The following CXCL13 variants were observed in gnomAD, a reference collection of about 807,000 sequenced individuals.
CXCL13 encodes the protein C-X-C motif chemokine 13.
Under a neutral mutation model 12.2 loss-of-function variants are expected in CXCL13, and 7 were observed. The observed-to-expected ratio is 0.57, with a 90% CI of 0.33 to 1.07. The LOEUF (loss-of-function observed/expected upper bound fraction) is 1.07, where lower values mean the gene tolerates loss of function less well. Among genes scored for constraint, CXCL13 ranks in the 50% least tolerant of loss-of-function variants. The pLI, the probability that CXCL13 is intolerant of heterozygous loss-of-function variation, is 0.04. For missense variants in CXCL13, 113 were observed against 127.4 expected (o/e 0.89, Z 0.55); for synonymous variants, 47 against 42.4 (o/e 1.11, Z -0.42).
intron 1 of CXCL13, among the ~76,000 whole-genome samples, chr4:77,591,697 A>C (rs927429430): frequency 1.3e-5 from 2 of 152,170 alleles, no homozygotes; most frequent in East Asian, 3.9e-4. Flanking sequence ...ACATGTGTAC[A>C]AGTGCCCCAA....
intron 1 of CXCL13, among the ~76,000 whole-genome samples, chr4:77,563,130 G>A (rs1317585636): frequency 1.3e-5 from 2 of 152,122 alleles, no homozygotes; most frequent in African/African-American, 4.8e-5. Context: ...CCACCAGAAG[G>A]AAGAAGCTCC....
At chr4:77,546,448 A>T (rs1339935619) in intron 1 of CXCL13, among the ~76,000 whole-genome samples, 1 of 152,134 alleles carries the variant, frequency 6.6e-6, no homozygotes, top group African/African-American at 2.4e-5. Flanking sequence ...CTATTCAGGG[A>T]TTCAACTTCT....
At chr4:77,588,528 G>A (rs1726533999) in intron 1 of CXCL13, among the ~76,000 whole-genome samples, 1 of 152,220 alleles carries the variant, frequency 6.6e-6, no homozygotes, top group Non-Finnish European at 1.5e-5. Context: ...CCTGCTAAGA[G>A]AGCACAGCAG....
intron 1 of CXCL13, among the ~76,000 whole-genome samples, chr4:77,588,695 T>A (rs1726537756): frequency 1.3e-5 from 2 of 152,220 alleles, no homozygotes. Context: ...GGCTCTATCT[T>A]CATTCTCTTG....
At chr4:77,604,593 G>A (rs955676147), upstream of CXCL13, among the ~76,000 whole-genome samples, 5 of 151,726 alleles carry the variant, frequency 3.3e-5, no homozygotes, top group African/African-American at 9.7e-5. Flanking sequence ...ATATACATAA[G>A]GAAGAACATC....
intron 1 of CXCL13, among the ~76,000 whole-genome samples, chr4:77,513,441 CTGT>C (rs1358355993): frequency 8.6e-5 from 13 of 151,590 alleles, no homozygotes; most frequent in African/African-American, 3.2e-4. Flanking sequence ...TCTCCAGCAT[CTGT>C]TGTTTCCTGA....
chr4:77,604,317 G>T (rs988742511), upstream of CXCL13, among the ~76,000 whole-genome samples: 1 of 152,122 alleles, frequency 6.6e-6, no homozygotes, highest in African/African-American at 2.4e-5. Flanking sequence ...GCAATCTGAG[G>T]CTCCCCCTGC....
rs1724553859 is a variant in CXCL13 at position 77,520,194 on chromosome 4, G to A, written c.-43+8406G>A. ...TTTGGCTTAGGATTGTCTTGGCAATGCGGGCTCTTTTTTGGTTCCATATGA... is the reference window on the plus strand; with the variant it reads ...TTTGGCTTAGGATTGTCTTGGCAATACGGGCTCTTTTTTGGTTCCATATGA... On this transcript the variant is annotated intron_variant, in intron 1 of 4. Transcript: ENST00000286758. 3.3e-5 allele frequency among the ~76,000 whole-genome samples: 5 copies of A among 152,268 alleles called. No individual in the cohort carries two copies. In the South Asian group the frequency reaches 1.0e-3, roughly 32 times the overall value.
At chr4:77,549,884 T>C (rs955567777) in intron 1 of CXCL13, among the ~76,000 whole-genome samples, 2 of 152,254 alleles carry the variant, frequency 1.3e-5, no homozygotes, top group Non-Finnish European at 2.9e-5. Flanking sequence ...GCTGTCAGAC[T>C]GGGACGTTTA....
intron 2 of CXCL13, among the ~76,000 whole-genome samples, chr4:77,609,859 T>G (rs577340145): frequency 1.3e-5 from 2 of 152,214 alleles, no homozygotes; most frequent in Non-Finnish European, 2.9e-5. Flanking sequence ...GTATCATGTA[T>G]TTGTTGTGCA....
chr4:77,524,608 T>C (rs1016626802), intron 1 of CXCL13, among the ~76,000 whole-genome samples: 5 of 152,194 alleles, frequency 3.3e-5, no homozygotes, highest in Admixed American at 1.3e-4. Context: ...TGTCCTGTTA[T>C]TCCAGGTACA....
At chr4:77,582,193 A>G (rs76164591) in intron 1 of CXCL13, among the ~76,000 whole-genome samples, 3,046 of 150,150 alleles carry the variant, frequency 0.02, 99 homozygotes, top group African/African-American at 0.069. Context: ...AAGGATGAAT[A>G]CCCCCTCCCT....
chr4:77,605,913 C>T lies in CXCL13; in HGVS notation c.48C>T (p.Ser16=). The change falls in exon 1 of 4, where the codon AGC becomes AGT. Residue 16 remains serine, a synonymous_variant. Transcript: ENST00000682537. ...TGCTTCTCATGCTGCTGGTCAGCAG[C>T]CTCTCTCCAGTCCAAGGTGAGAAAT... ...TSLLLMLLVS[S]LSPVQGVLEV... 6.2e-7 allele frequency: 1 copy of T among 1,605,276 alleles called. No homozygotes were observed. Among genetic ancestry groups the T allele is most frequent in the Non-Finnish European group, 8.5e-7 (1 of 1,174,008 alleles).
intron 1 of CXCL13, among the ~76,000 whole-genome samples, chr4:77,570,478 C>T (rs1255939906): frequency 6.6e-6 from 1 of 152,210 alleles, no homozygotes; most frequent in East Asian, 1.9e-4. Flanking sequence ...TGCCTGTAAT[C>T]CCAGTGAGAG....
At chr4:77,530,753 GT>G (rs1170374414) in intron 1 of CXCL13, among the ~76,000 whole-genome samples, 2 of 151,956 alleles carry the variant, frequency 1.3e-5, no homozygotes, top group Non-Finnish European at 2.9e-5. Context: ...TTTTTGAAGG[GT>G]TTTTTGTGTC....
At chr4:77,550,705 C>T (rs1382653765) in intron 1 of CXCL13, among the ~76,000 whole-genome samples, 1 of 152,152 alleles carries the variant, frequency 6.6e-6, no homozygotes, top group Non-Finnish European at 1.5e-5. Flanking sequence ...CTGATGCTGT[C>T]AGTAGGGTGT....
chr4:77,595,242 A>G (rs1726720731), intron 1 of CXCL13, among the ~76,000 whole-genome samples: 3 of 152,130 alleles, frequency 2.0e-5, no homozygotes, highest in Admixed American at 1.3e-4. Context: ...TGCTATAATC[A>G]AGAAAACATG....
At chr4:77,535,138 G>T (rs574012934) in intron 1 of CXCL13, among the ~76,000 whole-genome samples, 10 of 152,294 alleles carry the variant, frequency 6.6e-5, no homozygotes, top group African/African-American at 1.9e-4. Flanking sequence ...CACACAATTT[G>T]ATCAAGTTAA....
In CXCL13 at chr4:77,526,598, A is replaced by G. The variant is rs555795119; in HGVS notation, c.-43+14810A>G. Among the ~76,000 whole-genome samples, 10 of 152,182 alleles carry G rather than the reference A, an allele frequency of 6.6e-5. 1 individual carries two copies. The highest frequency in any genetic ancestry group is 1.0e-4 in the Non-Finnish European group (7 of 68,032). ...CTCACCAAATCTGAGCATTTATTAC[A>G]TAATTGGCTCTTAGCCCAGGGGCCA... On this transcript the variant is annotated intron_variant, in intron 1 of 4. Coordinates refer to the CXCL13 transcript ENST00000286758.
Sources: gnomAD v4.1 joint callset for allele counts (sites outside exome capture counted in the v4.1 genomes callset) on GRCh38, gnomAD v4.1.1 for gene constraint, MANE v1.5 for transcripts, NCBI Gene and HGNC (gene_info 2026-07-23, HGNC 2026-07-21) for gene names.